The following B9D1 variants were observed in gnomAD, a reference collection of about 807,000 sequenced individuals.
The protein encoded by B9D1 is B9 domain-containing protein 1.
B9D1 carries 20 observed loss-of-function variants against 26.1 expected under a neutral mutation model. That is an observed-to-expected ratio of 0.77 (90% confidence interval 0.54 to 1.12). The LOEUF is 1.12. B9D1 is among the 50% of genes most tolerant of loss of function. The pLI is 0.00. For synonymous variants in B9D1, 105 were observed against 103.1 expected, an observed-to-expected ratio of 1.02 and a Z score of -0.11; for missense variants, 260 against 273.7, an observed-to-expected ratio of 0.95 and a Z score of 0.35.
chr17:19,361,375 T>A (rs917046464), intron 1 of B9D1, among the ~76,000 whole-genome samples: 8 of 151,886 alleles, frequency 5.3e-5, no homozygotes, highest in African/African-American at 1.9e-4. Context: ...AAGGGAATGG[T>A]GCTGAAGTGA....
downstream of B9D1, chr17:19,335,246 G>T (rs1382273879): frequency 8.7e-6 from 5 of 575,164 alleles, no homozygotes; most frequent in African/African-American, 5.7e-5. Context: ...CCTGTTTTTG[G>T]TGAATTACTA....
chr17:19,360,344 G>A lies in B9D1; in HGVS notation c.108C>T (p.Tyr36=), dbSNP rs548122561. Reference sequence around the variant, plus strand: ...CCGCTGTGGGGGCCCAGTCCTGGCCGTACACAAAGCAGTACTTGCAGTAGA... The same window carrying A: ...CCGCTGTGGGGGCCCAGTCCTGGCCATACACAAAGCAGTACTTGCAGTAGA... ...DDLYCKYCFV[Y]GQDWAPTAGL... Residue 36 remains tyrosine (Y), a synonymous_variant, in exon 2 of 7, where the codon TAC becomes TAT. Coordinates refer to ENST00000261499, the MANE Select transcript of B9D1 (RefSeq NM_015681.6). 9.9e-6 allele frequency: 16 copies of A among 1,613,936 alleles called. No homozygotes were observed. Among genetic ancestry groups the A allele is most frequent in the East Asian group, 6.7e-5 (3 of 44,886 alleles).
In B9D1 at chr17:19,343,321, A is replaced by G. The variant is rs201498591; in HGVS notation, c.613T>C (p.Ter205ArgextTer9). The change falls in exon 7 of 7, where the codon TGA becomes CGA. Residue 205 changes from the stop codon to arginine, a stop_lost. Transcript: ENST00000261499. ...AGACTGTGCAGCCTGTGGAGCCTTC[A>G]CTGGGGGAAGCTCTGGGGTGGGCTG... ...GPSPPQSFPQ[*>R] is the part of the protein sequence containing the mutation. 13 of 1,614,166 alleles carry G rather than the reference A, an allele frequency of 8.1e-6. No homozygotes were observed. Among genetic ancestry groups the G allele is most frequent in the Non-Finnish European group, 1.1e-5 (13 of 1,180,016 alleles).
At chr17:19,373,718 G>T (rs1911994718) in intron 1 of B9D1, among the ~76,000 whole-genome samples, 1 of 151,986 alleles carries the variant, frequency 6.6e-6, no homozygotes, top group African/African-American at 2.4e-5. Flanking sequence ...GTAGAGACAG[G>T]GTTTCATCAT....
chr17:19,344,696 C>T lies in B9D1; in HGVS notation c.405-839G>A, dbSNP rs1266397799. 1.2e-4 allele frequency: 20 copies of T among 164,724 alleles called. No individual in the cohort carries two copies. In the East Asian group the frequency reaches 2.9e-3, roughly 24 times the overall value. The allele number at this position is 164,724 out of a possible 1,614,324, so 10.2% of individuals were successfully genotyped here. ...GCAACCATGCCGACCCAAAAGCCCA[C>T]GCACCGCCCTCCCCGCGGCCTCTCC... On this transcript the variant is annotated intron_variant, in intron 5 of 6. Coordinates refer to ENST00000261499, the MANE Select transcript of B9D1 (RefSeq NM_015681.6).
At chr17:19,344,374 T>G (rs1446502944) in intron 5 of B9D1, 1 of 221,840 alleles carries the variant, frequency 4.5e-6, no homozygotes, top group Non-Finnish European at 9.3e-6. Context: ...GACATGTCAC[T>G]TCCCATCTTG....
intron 5 of B9D1, among the ~76,000 whole-genome samples, chr17:19,345,479 C>G (rs1337016873): frequency 6.6e-6 from 1 of 152,150 alleles, no homozygotes; most frequent in Non-Finnish European, 1.5e-5. Flanking sequence ...GTCACGTGCA[C>G]TTTGCACAGA....
chr17:19,341,249 T>C (rs1328945181), downstream of B9D1: 6 of 1,231,576 alleles, frequency 4.9e-6, no homozygotes, highest in East Asian at 9.5e-5. Context: ...CAGGTCCCCT[T>C]GATGTGGACC....
chr17:19,352,927 G>A (rs891407830), intron 3 of B9D1, among the ~76,000 whole-genome samples: 2 of 148,334 alleles, frequency 1.3e-5, no homozygotes, highest in Non-Finnish European at 1.5e-5. Context: ...TTTGGCCTCC[G>A]AAAGTGCTGG....
In B9D1 at chr17:19,347,768, C is replaced by A; in HGVS notation, c.341+16G>T. Reference sequence around the variant, plus strand: ...GACAAGTCCTGCCCAGGGCCCAGGTCAGAATGAGGACCTACCGGCCAGGTG... The same window carrying A: ...GACAAGTCCTGCCCAGGGCCCAGGTAAGAATGAGGACCTACCGGCCAGGTG... On this transcript the variant is annotated intron_variant, in intron 4 of 6. Transcript: ENST00000261499. The surrounding 1 kb of genome is among the most constrained non-coding windows in gnomAD (Gnocchi z 4.3). The A allele has an allele frequency of 6.2e-7, 1 of 1,611,512 alleles. No individual in the cohort carries two copies. Among genetic ancestry groups the A allele is most frequent in the South Asian group, 1.1e-5 (1 of 90,922 alleles).
At chr17:19,348,405 C>T (rs1024365101) in intron 3 of B9D1, among the ~76,000 whole-genome samples, 6 of 152,128 alleles carry the variant, frequency 3.9e-5, no homozygotes, top group Admixed American at 3.9e-4. Flanking sequence ...TTCGTGTTGC[C>T]ATTGAGGCGC....
At chr17:19,362,734 T>C, upstream of B9D1, 1 of 1,514,908 alleles carries the variant, frequency 6.6e-7, no homozygotes, top group Non-Finnish European at 8.8e-7. Context: ...GCAGGCGCAG[T>C]GAACGGGCGC....
downstream of B9D1, among the ~76,000 whole-genome samples, chr17:19,342,344 C>A (rs1291822039): frequency 6.6e-6 from 1 of 152,048 alleles, no homozygotes; most frequent in Non-Finnish European, 1.5e-5. Context: ...AGGGTCGGCC[C>A]AGATGGTCTC....
rs1909018960 is a variant in B9D1, at chr17:19,347,702, G to C, written c.341+82C>G. On this transcript the variant is annotated intron_variant, in intron 4 of 6. Coordinates refer to ENST00000261499, the MANE Select transcript of B9D1 (RefSeq NM_015681.6). The surrounding 1 kb of genome is among the most constrained non-coding windows in gnomAD (Gnocchi z 4.3). ...CCCTGGAGACCCCAGAGCATTCCCA[G>C]CCTGAACCTAAGACAGAAAACGAGG... is the stretch of plus-strand genomic sequence containing the variant. 3 of 1,401,720 alleles carry C rather than the reference G, an allele frequency of 2.1e-6. No individual in the cohort carries two copies. The highest frequency in any genetic ancestry group is 3.0e-6 in the Non-Finnish European group (3 of 1,005,166). 86.8% of individuals were successfully genotyped at this position (1,401,720 alleles called of 1,614,324 possible).
At position 19,372,313 on chromosome 17, in the gene B9D1, G is replaced by A. The variant is rs968247514; in HGVS notation, c.-298+5546C>T. 8 of 152,258 alleles carry A rather than the reference G, an allele frequency of 5.3e-5. No individual in the cohort carries two copies. Among genetic ancestry groups the A allele is most frequent in the African/African-American group, 1.9e-4 (8 of 41,430 alleles). 9.4% of individuals were successfully genotyped at this position (152,258 alleles called of 1,614,324 possible). A position where few individuals can be genotyped will look rare whatever the true frequency, so the allele number is the denominator to read the frequency against. On this transcript the variant is annotated intron_variant, in intron 1 of 5. Transcript: ENST00000477478. The surrounding 1 kb of genome is among the most constrained non-coding windows in gnomAD (Gnocchi z 4.4). ...TCACAGATGAGGAACTCGAGGTCAG[G>A]GCTGTCAGTCTTGGCTACCTGCATG...
chr17:19,362,448 C>A (rs747379585), intron 1 of B9D1, 59 bp downstream of exon 1: 44 of 1,377,404 alleles, frequency 3.2e-5, no homozygotes, highest in Non-Finnish European at 4.3e-5. Flanking sequence ...CGGGGGGTTG[C>A]GGGAAGGGCC....
chr17:19,371,279 CTTGTGCAAATCTCTGTGTGTGT>C (rs1029303168), intron 1 of B9D1: 1 of 152,358 alleles, frequency 6.6e-6, no homozygotes, highest in African/African-American at 2.4e-5. Flanking sequence ...TGGGTGTGTG[CTTGTGCAAATCTCTGTGTGTGT>C]TTGTGCAAAT....
chr17:19,338,993 C>T (rs1907688523), downstream of B9D1, among the ~76,000 whole-genome samples: 2 of 152,210 alleles, frequency 1.3e-5, no homozygotes, highest in African/African-American at 4.8e-5. Flanking sequence ...GCCTTATTTC[C>T]TTGCTGCCTT....
Position 19,343,216 on chromosome 17 carries a change from G to A in B9D1, c.*103C>T, listed in dbSNP as rs1229852490. 4 of 1,577,806 alleles carry A rather than the reference G, an allele frequency of 2.5e-6. No homozygotes were observed. Among genetic ancestry groups the A allele is most frequent in the Non-Finnish European group, 3.4e-6 (4 of 1,166,774 alleles). ...TTTATTATACAAAACTATTCTGTGT[G>A]CCCCCAGCTCTGGCCACCAGGCTGC... On this transcript the variant is annotated 3_prime_UTR_variant, in exon 7 of 7. Transcript: ENST00000261499.
Sources: allele counts gnomAD v4.1 joint callset (sites outside exome capture counted in the v4.1 genomes callset), GRCh38; gene constraint gnomAD v4.1.1; non-coding constraint Gnocchi (gnomAD v3.1); transcripts MANE v1.5; gene names NCBI Gene and HGNC (gene_info 2026-07-23, HGNC 2026-07-21).